Variants in PRKG1 observed in about 807,000 individuals in gnomAD.
The protein encoded by PRKG1 is protein kinase cGMP-dependent 1.
PRKG1 carries 35 observed loss-of-function variants against 88.1 expected under a neutral mutation model. The observed-to-expected ratio is 0.40, with a 90% confidence interval of 0.30 to 0.53. The LOEUF (loss-of-function observed/expected upper bound fraction) is 0.53, where lower values mean the gene tolerates loss of function less well. Ranked by LOEUF, PRKG1 falls within the 20% of genes least tolerant of loss-of-function variation. The probability of loss-of-function intolerance (pLI) is 0.59; values close to 1 mark genes in which losing one functional copy is unlikely to be tolerated. For missense variants in PRKG1, 540 were observed against 839.8 expected (o/e 0.64, Z 4.41); for synonymous variants, 303 against 292.5 (o/e 1.04, Z -0.37).
rs571925711 is a variant in PRKG1, at chr10:51,037,197, C to G, written c.266+45553C>G. Among the ~76,000 whole-genome samples the G allele has an allele frequency of 9.2e-5, 14 of 152,248 alleles. No homozygotes were observed. In the East Asian group the frequency reaches 2.7e-3, roughly 29 times the overall value. On this transcript the variant is annotated intron_variant, in intron 1 of 17. Transcript: ENST00000401604. ...GTGTGGTTGCTTGCACCTGTAATCC[C>G]AGCATTTTGGGAGGCCGAGGCAGGA...
intron 9 of PRKG1, among the ~76,000 whole-genome samples, chr10:52,180,048 A>T (rs1358444580): frequency 6.6e-6 from 1 of 152,160 alleles, no homozygotes; most frequent in East Asian, 1.9e-4. Flanking sequence ...TAATATGAAT[A>T]GTTGTTAGCT....
chr10:52,124,241 C>T (rs1162431335), intron 7 of PRKG1, among the ~76,000 whole-genome samples: 2 of 152,124 alleles, frequency 1.3e-5, no homozygotes, highest in African/African-American at 4.8e-5. Context: ...TTTCATTATG[C>T]TAGCATCGTA....
chr10:51,895,435 G>T (rs1189131111), intron 4 of PRKG1, among the ~76,000 whole-genome samples: 1 of 152,068 alleles, frequency 6.6e-6, no homozygotes, highest in Non-Finnish European at 1.5e-5. Context: ...TCCAGTATCT[G>T]CATGGGCCTG....
At chr10:51,164,682 C>A (rs1246110382) in intron 2 of PRKG1, among the ~76,000 whole-genome samples, 2 of 152,078 alleles carry the variant, frequency 1.3e-5, no homozygotes, top group South Asian at 2.1e-4. Flanking sequence ...ACTAGAATAA[C>A]CAATACAGAG....
intron 2 of PRKG1, among the ~76,000 whole-genome samples, chr10:51,370,320 C>T (rs1398552594): frequency 6.6e-6 from 1 of 152,026 alleles, no homozygotes; most frequent in Non-Finnish European, 1.5e-5. Context: ...TGGATCCATC[C>T]TTATTTCTTG....
intron 2 of PRKG1, among the ~76,000 whole-genome samples, chr10:51,212,946 C>T (rs533022082): frequency 4.0e-4 from 61 of 152,164 alleles, no homozygotes; most frequent in African/African-American, 1.4e-3. Flanking sequence ...ACCATTTGAC[C>T]CAGCCATGCC....
At chr10:52,263,609 C>T (rs1246341911) in intron 10 of PRKG1, among the ~76,000 whole-genome samples, 1 of 148,844 alleles carries the variant, frequency 6.7e-6, no homozygotes, top group African/African-American at 2.5e-5. Flanking sequence ...CAGGGTCTTG[C>T]TCTGTCACCC....
intron 3 of PRKG1, chr10:51,699,486 T>TC (rs754031407): frequency 3.1e-6 from 5 of 1,613,828 alleles, no homozygotes; most frequent in Non-Finnish European, 4.2e-6. Flanking sequence ...TATGGAATGT[T>TC]CCCCACGAAC....
chr10:51,503,977 T>G (rs1442226981), intron 3 of PRKG1, among the ~76,000 whole-genome samples: 1 of 152,150 alleles, frequency 6.6e-6, no homozygotes, highest in Non-Finnish European at 1.5e-5. Context: ...GTTCATTCAC[T>G]GTTGTTTGAT....
At chr10:51,698,248 C>T in intron 3 of PRKG1, 4 of 1,614,196 alleles carry the variant, frequency 2.5e-6, no homozygotes, top group Non-Finnish European at 3.4e-6. Context: ...TTCCTCTCCT[C>T]TCCATTACAC....
intron 3 of PRKG1, among the ~76,000 whole-genome samples, chr10:51,551,592 A>G (rs2132129128): frequency 6.6e-6 from 1 of 151,916 alleles, no homozygotes; most frequent in East Asian, 1.9e-4. Context: ...GCAGATAAAT[A>G]TTCACTAAAT....
intron 5 of PRKG1, among the ~76,000 whole-genome samples, chr10:51,935,222 T>G (rs894245462): frequency 6.6e-6 from 1 of 152,126 alleles, no homozygotes; most frequent in Non-Finnish European, 1.5e-5. Context: ...CTTCTAAATC[T>G]TAGAGAAGTG....
intron 3 of PRKG1, among the ~76,000 whole-genome samples, chr10:51,786,226 A>G (rs1460159862): frequency 1.3e-5 from 2 of 152,110 alleles, no homozygotes; most frequent in African/African-American, 4.8e-5. Flanking sequence ...GTGATAGAAC[A>G]TTTGGCAGTA....
intron 7 of PRKG1, among the ~76,000 whole-genome samples, chr10:52,119,669 C>T (rs902310944): frequency 6.6e-6 from 1 of 152,202 alleles, no homozygotes; most frequent in Non-Finnish European, 1.5e-5. Flanking sequence ...TTACTTTACT[C>T]TCTAAAGTAC....
At chr10:51,942,151 G>A (rs1043613712) in intron 5 of PRKG1, among the ~76,000 whole-genome samples, 1 of 151,830 alleles carries the variant, frequency 6.6e-6, no homozygotes, top group African/African-American at 2.4e-5. Context: ...ATTCTAACTG[G>A]TGTGAGATGG....
At chr10:52,028,269 G>A (rs1363915990) in intron 5 of PRKG1, among the ~76,000 whole-genome samples, 2 of 152,060 alleles carry the variant, frequency 1.3e-5, no homozygotes, top group East Asian at 3.9e-4. Flanking sequence ...CTTTTCAGAT[G>A]TGTACAGCTC....
chr10:52,167,887 C>A (rs1010762522), intron 9 of PRKG1, among the ~76,000 whole-genome samples: 5 of 152,078 alleles, frequency 3.3e-5, no homozygotes, highest in African/African-American at 9.7e-5. Context: ...TTGATAATAA[C>A]CAATATTGCT....
intron 4 of PRKG1, among the ~76,000 whole-genome samples, chr10:51,842,730 G>A (rs1840309559): frequency 6.6e-6 from 1 of 151,966 alleles, no homozygotes; most frequent in East Asian, 1.9e-4. Context: ...CCTTTAAAGT[G>A]TTCATTTGCT....
intron 1 of PRKG1, 102 bp downstream of exon 1, chr10:51,075,003 C>T (rs1843910276): frequency 1.2e-5 from 17 of 1,404,026 alleles, no homozygotes; most frequent in Admixed American, 2.8e-5. Flanking sequence ...CTTGCCATGT[C>T]TGTCCTCATC....
Sources: allele counts gnomAD v4.1 joint callset (sites outside exome capture counted in the v4.1 genomes callset), GRCh38; gene constraint gnomAD v4.1.1; transcripts MANE v1.5; gene names NCBI Gene and HGNC (gene_info 2026-07-23, HGNC 2026-07-21).